SLC35D2: variants seen among roughly 807,000 people sequenced by gnomAD.
SLC35D2 encodes nucleotide sugar transporter SLC35D2.
Under a neutral mutation model 41.8 loss-of-function variants are expected in SLC35D2, and 43 were observed. The observed-to-expected ratio is 1.03, with a 90% confidence interval of 0.81 to 1.33. The LOEUF (loss-of-function observed/expected upper bound fraction) is 1.33. SLC35D2 is among the 40% of genes most tolerant of loss of function. SLC35D2 has a pLI of 0.00. For missense variants in SLC35D2, 380 were observed against 408.4 expected (o/e 0.93, Z 0.60); for synonymous variants, 150 against 163.9 (o/e 0.92, Z 0.65).
At chr9:96,364,780 C>T (rs1457237068) in intron 2 of SLC35D2, among the ~76,000 whole-genome samples, 1 of 152,048 alleles carries the variant, frequency 6.6e-6, no homozygotes, top group Non-Finnish European at 1.5e-5. Flanking sequence ...GGGCAGGGCA[C>T]GGTGGCTCAC....
At position 96,374,677 on chromosome 9, in the gene SLC35D2, A is replaced by G. The variant is rs111557278; in HGVS notation, c.159-6372T>C. Among the ~76,000 whole-genome samples the G allele has an allele frequency of 2.6e-3, 393 of 150,076 alleles. 1 individual carries two copies. Among genetic ancestry groups the G allele is most frequent in the African/African-American group, 9.0e-3 (370 of 40,956 alleles). ...GTGAAACCCCATCTCTACTAAAAAAATAAAAAAAAAATTAGCCGAGCGTGG... is the reference window on the plus strand; with the variant it reads ...GTGAAACCCCATCTCTACTAAAAAAGTAAAAAAAAAATTAGCCGAGCGTGG... On this transcript the variant is annotated intron_variant, in intron 1 of 11. Coordinates refer to ENST00000253270, the MANE Select transcript of SLC35D2 (RefSeq NM_007001.3).
rs771543064 is a variant in SLC35D2 at position 96,336,736 on chromosome 9, GAAACTGTAGGAT to G, written c.721_732del (p.Ile241_Phe244del). On this transcript the variant is annotated inframe_deletion, in exon 9 of 12. Coordinates refer to ENST00000253270, the MANE Select transcript of SLC35D2 (RefSeq NM_007001.3). ...TCTTACCCCAAAAAACAGGAAAGAAGAAACTGTAGGATAAACACAACATTCTTCCATTGGTTG... is the reference window on the plus strand; with the variant it reads ...TCTTACCCCAAAAAACAGGAAAGAAGAAACACAACATTCTTCCATTGGTTG... 1.9e-6 allele frequency: 3 copies of G among 1,586,412 alleles called. No homozygotes were observed. Among genetic ancestry groups the G allele is most frequent in the Non-Finnish European group, 2.6e-6 (3 of 1,160,524 alleles).
At chr9:96,365,014 C>A (rs991318836) in intron 2 of SLC35D2, among the ~76,000 whole-genome samples, 10 of 149,278 alleles carry the variant, frequency 6.7e-5, no homozygotes, top group Non-Finnish European at 1.3e-4. Flanking sequence ...CACACCACTG[C>A]CCTCCAGAGT....
At chr9:96,332,743 C>T (rs904198442) in intron 9 of SLC35D2, among the ~76,000 whole-genome samples, 1 of 151,656 alleles carries the variant, frequency 6.6e-6, no homozygotes, top group East Asian at 2.0e-4. Context: ...CGCGCCACTG[C>T]ACTCCAGACT....
chr9:96,381,540 G>A (rs142223803), intron 1 of SLC35D2, among the ~76,000 whole-genome samples: 5 of 152,102 alleles, frequency 3.3e-5, no homozygotes, highest in African/African-American at 9.6e-5. Flanking sequence ...CACTGATCAC[G>A]CTCACACTGC....
At chr9:96,369,680 C>T (rs539103578) in intron 1 of SLC35D2, among the ~76,000 whole-genome samples, 9 of 152,266 alleles carry the variant, frequency 5.9e-5, no homozygotes, top group Admixed American at 5.9e-4. Flanking sequence ...GGAGAAAAGA[C>T]GATCTTTCAG....
At position 96,363,432 on chromosome 9, in the gene SLC35D2, A is replaced by G. The variant is rs143850734; in HGVS notation, c.279+1032T>C. ...CCAGCCACATGAGATCCTCACCCTC[A>G]GGGAACTGACAGTCTGATTTAAACC... On this transcript the variant is annotated intron_variant, in intron 3 of 11. Coordinates refer to ENST00000253270, the MANE Select transcript of SLC35D2 (RefSeq NM_007001.3). 5.1e-3 allele frequency among the ~76,000 whole-genome samples: 777 copies of G among 152,338 alleles called. 6 individuals are homozygous for G. Among genetic ancestry groups the G allele is most frequent in the Non-Finnish European group, 6.7e-3 (454 of 68,032 alleles).
chr9:96,335,087 G>A lies in SLC35D2; in HGVS notation c.752+1630C>T, dbSNP rs1414336547. Among the ~76,000 whole-genome samples, 6 of 152,278 alleles carry A rather than the reference G, an allele frequency of 3.9e-5. No homozygotes were observed. In the East Asian group the frequency reaches 1.2e-3, roughly 29 times the overall value. On this transcript the variant is annotated intron_variant, in intron 9 of 11. Coordinates refer to ENST00000253270, the MANE Select transcript of SLC35D2 (RefSeq NM_007001.3). ...AGAGTGTTGATCAAAGAGGTCAGGA[G>A]TTGTCTTTGTTCATTTACACAGAAT...
At chr9:96,353,339 A>G (rs890360199) in intron 4 of SLC35D2, among the ~76,000 whole-genome samples, 1 of 137,806 alleles carries the variant, frequency 7.3e-6, no homozygotes, top group Non-Finnish European at 1.5e-5. Context: ...AAAGGGCTGC[A>G]AAGGATTATT....
chr9:96,370,848 T>G (rs1830645561), intron 1 of SLC35D2, among the ~76,000 whole-genome samples: 1 of 152,010 alleles, frequency 6.6e-6, no homozygotes, highest in Admixed American at 6.6e-5. Context: ...AAAATTGAGT[T>G]GATATGACAG....
At chr9:96,336,600 C>T in intron 9 of SLC35D2, 117 bp downstream of exon 9, 1 of 695,876 alleles carries the variant, frequency 1.4e-6, no homozygotes, top group Non-Finnish European at 2.4e-6. Context: ...GGGTACTTTC[C>T]AGAGAAAGTC....
intron 8 of SLC35D2, among the ~76,000 whole-genome samples, chr9:96,339,808 C>G (rs1829232319): frequency 6.6e-6 from 1 of 152,142 alleles, no homozygotes; most frequent in Non-Finnish European, 1.5e-5. Flanking sequence ...CTTTGTTCAT[C>G]AGAGATAGAA....
chr9:96,360,694 A>AAC (rs1830235792), intron 3 of SLC35D2, among the ~76,000 whole-genome samples: 1 of 151,816 alleles, frequency 6.6e-6, no homozygotes. Flanking sequence ...GGGAAATGCA[A>AAC]ACTAAAGCCC....
chr9:96,329,102 A>AG (rs1828685182), intron 9 of SLC35D2, among the ~76,000 whole-genome samples: 1 of 152,008 alleles, frequency 6.6e-6, no homozygotes, highest in African/African-American at 2.4e-5. Context: ...AAAAAAAAAA[A>AG]AAGACATTAT....
chr9:96,375,966 G>A (rs1830933419), intron 1 of SLC35D2, among the ~76,000 whole-genome samples: 1 of 151,968 alleles, frequency 6.6e-6, no homozygotes, highest in Non-Finnish European at 1.5e-5. Flanking sequence ...TTCAAAACCA[G>A]CCTGGCCAAT....
At chr9:96,372,270 A>G (rs1830731663) in intron 1 of SLC35D2, among the ~76,000 whole-genome samples, 1 of 152,256 alleles carries the variant, frequency 6.6e-6, no homozygotes, top group Admixed American at 6.5e-5. Context: ...TGAACTGAAC[A>G]ATCCAAAATA....
At chr9:96,355,361 G>A (rs989490501) in intron 4 of SLC35D2, among the ~76,000 whole-genome samples, 15 of 151,922 alleles carry the variant, frequency 9.9e-5, no homozygotes, top group Admixed American at 7.9e-4. Flanking sequence ...GTGAATGTCT[G>A]TAGTCTCAGC....
At chr9:96,368,589 GT>G (rs1315750756) in intron 1 of SLC35D2, among the ~76,000 whole-genome samples, 1 of 151,746 alleles carries the variant, frequency 6.6e-6, no homozygotes, top group Admixed American at 6.6e-5. Flanking sequence ...GAGTGCAGTG[GT>G]GTGATGGCTC....
intron 9 of SLC35D2, among the ~76,000 whole-genome samples, chr9:96,331,647 T>C (rs1828814291): frequency 6.6e-6 from 1 of 152,100 alleles, no homozygotes; most frequent in African/African-American, 2.4e-5. Flanking sequence ...CTTGGAAAAA[T>C]GAACCTCTAA....
Sources: allele counts gnomAD v4.1 joint callset (sites outside exome capture counted in the v4.1 genomes callset), GRCh38; gene constraint gnomAD v4.1.1; transcripts MANE v1.5; gene names NCBI Gene and HGNC (gene_info 2026-07-23, HGNC 2026-07-21).